Variants in LTA4H observed in about 807,000 individuals in gnomAD.
LTA4H encodes the protein leukotriene A-4 hydrolase.
A neutral mutation model predicts 89.8 loss-of-function variants in LTA4H; 59 were observed. The ratio of observed to expected loss-of-function variants is 0.66; its 90% CI spans 0.53 to 0.82. LTA4H has a LOEUF of 0.82. Ranked by LOEUF, LTA4H falls within the 40% of genes least tolerant of loss-of-function variation. The pLI, the probability that LTA4H is intolerant of heterozygous loss-of-function variation, is 0.00. For missense variants in LTA4H, 617 were observed against 727.0 expected (o/e 0.85, Z 1.74); for synonymous variants, 227 against 253.1 (o/e 0.90, Z 0.98).
chr12:96,032,172 TATC>T (rs1487031395), intron 1 of LTA4H, among the ~76,000 whole-genome samples: 1 of 152,216 alleles, frequency 6.6e-6, no homozygotes, highest in Non-Finnish European at 1.5e-5. Context: ...GTATGAAAGT[TATC>T]ATAAATTTGG....
chr12:96,035,976 C>G (rs114341364), upstream of LTA4H, among the ~76,000 whole-genome samples: 164 of 152,198 alleles, frequency 1.1e-3, 1 homozygote, highest in African/African-American at 3.9e-3. Flanking sequence ...CGGGGCGGAG[C>G]AAAAACGTAG....
At chr12:96,027,623 C>T in intron 2 of LTA4H, 59 bp from the exon 3 acceptor site, 1 of 1,086,020 alleles carries the variant, frequency 9.2e-7, no homozygotes, top group Non-Finnish European at 1.4e-6. Flanking sequence ...AAAATTTAAA[C>T]TCATAATACA....
upstream of LTA4H, among the ~76,000 whole-genome samples, chr12:96,036,053 T>G (rs898959407): frequency 6.6e-6 from 1 of 152,214 alleles, no homozygotes; most frequent in Non-Finnish European, 1.5e-5. Context: ...TATCCCCGCC[T>G]GTCACGCGGG....
upstream of LTA4H, among the ~76,000 whole-genome samples, chr12:96,038,537 G>C (rs866418026): frequency 6.6e-6 from 1 of 151,746 alleles, no homozygotes; most frequent in Non-Finnish European, 1.5e-5. Context: ...CCGCCACCAC[G>C]CCTGGCTAAT....
intron 1 of LTA4H, among the ~76,000 whole-genome samples, chr12:96,030,752 A>C (rs1350348323): frequency 6.6e-6 from 1 of 152,156 alleles, no homozygotes; most frequent in Non-Finnish European, 1.5e-5. Context: ...ATGTGAGGCC[A>C]AGAACCAGCC....
chr12:96,004,097 C>T (rs1950155888), intron 16 of LTA4H, 177 bp from the exon 17 acceptor site: 1 of 384,266 alleles, frequency 2.6e-6, no homozygotes, highest in African/African-American at 2.1e-5. Context: ...CAAACTTATT[C>T]CAGATGAGGA....
chr12:96,004,438 C>T (rs1254590946), intron 16 of LTA4H, among the ~76,000 whole-genome samples: 2 of 152,224 alleles, frequency 1.3e-5, no homozygotes, highest in African/African-American at 4.8e-5. Flanking sequence ...ATAATGTGGA[C>T]TCTTTCCCTA....
chr12:96,038,121 G>C (rs1950663976), upstream of LTA4H, among the ~76,000 whole-genome samples: 1 of 152,196 alleles, frequency 6.6e-6, no homozygotes, highest in Non-Finnish European at 1.5e-5. Flanking sequence ...CAAAAAGGTA[G>C]AGAAGAAGAA....
At chr12:96,033,383 T>C (rs1326946318) in intron 1 of LTA4H, among the ~76,000 whole-genome samples, 5 of 152,172 alleles carry the variant, frequency 3.3e-5, no homozygotes, top group African/African-American at 1.2e-4. Flanking sequence ...GAATTTGCTG[T>C]TCATATATTA....
upstream of LTA4H, among the ~76,000 whole-genome samples, chr12:96,036,888 G>A (rs1950652237): frequency 6.6e-6 from 1 of 152,210 alleles, no homozygotes; most frequent in South Asian, 2.1e-4. Context: ...TTACAATCAT[G>A]GCAGAAGGTG....
At chr12:96,043,340 T>C (rs1950703172) in exon 1 of LTA4H, 2 of 1,535,372 alleles carry the variant, frequency 1.3e-6, no homozygotes, top group Non-Finnish European at 8.7e-7. Context: ...GCATGGTCGG[T>C]ACTTGTCTTT....
chr12:96,035,946 G>A (rs1239464373), upstream of LTA4H, among the ~76,000 whole-genome samples: 1 of 152,152 alleles, frequency 6.6e-6, no homozygotes, highest in East Asian at 1.9e-4. Flanking sequence ...AGGTTCATTG[G>A]TGTTTGCATA....
upstream of LTA4H, chr12:96,035,763 T>A: frequency 1.1e-6 from 1 of 899,970 alleles, no homozygotes; most frequent in Non-Finnish European, 1.5e-6. Flanking sequence ...GTGTTAGGGA[T>A]GTTGAGGGGG....
upstream of LTA4H, among the ~76,000 whole-genome samples, chr12:96,037,631 T>C (rs539652704): frequency 2.0e-5 from 3 of 151,842 alleles, no homozygotes; most frequent in African/African-American, 7.2e-5. Flanking sequence ...GTCAAGTTGC[T>C]TGGCCAATGT....
chr12:96,024,371 A>T, intron 4 of LTA4H, 108 bp downstream of exon 4: 1 of 624,618 alleles, frequency 1.6e-6, no homozygotes, highest in Non-Finnish European at 2.7e-6. Context: ...AATTTCATTA[A>T]GAAAAATAAT....
intron 6 of LTA4H, 109 bp downstream of exon 6, chr12:96,020,976 T>C: frequency 1.2e-6 from 1 of 811,926 alleles, no homozygotes; most frequent in Non-Finnish European, 2.0e-6. Context: ...AGCTGTCAGC[T>C]TGATATCTTG....
At chr12:96,042,532 C>A (rs116468459) in intron 1 of LTA4H, among the ~76,000 whole-genome samples, 2,158 of 152,166 alleles carry the variant, frequency 0.014, 50 homozygotes, top group African/African-American at 0.048. Flanking sequence ...GCACCTGCAC[C>A]CATTTAGATT....
chr12:96,002,902 GA>G, intron 18 of LTA4H, 57 bp downstream of exon 18: 3 of 1,118,650 alleles, frequency 2.7e-6, no homozygotes, highest in Non-Finnish European at 3.9e-6. Context: ...TTAAATATTT[GA>G]CAGTTTTCTT....
At chr12:96,015,208 C>T (rs1950358747) in intron 11 of LTA4H, 2 of 501,072 alleles carry the variant, frequency 4.0e-6, no homozygotes, top group Non-Finnish European at 7.0e-6. Flanking sequence ...TTGTTTCTTG[C>T]TCAATAATAC....
Sources: allele counts gnomAD v4.1 joint callset (sites outside exome capture counted in the v4.1 genomes callset), GRCh38; gene constraint gnomAD v4.1.1; transcripts MANE v1.5; gene names NCBI Gene and HGNC (gene_info 2026-07-23, HGNC 2026-07-21).